RBPJ: variants seen among roughly 807,000 people sequenced by gnomAD.
The protein encoded by RBPJ is recombining binding protein suppressor of hairless.
A neutral mutation model predicts 67.8 loss-of-function variants in RBPJ; 9 were observed. That is an observed-to-expected ratio of 0.13 (90% CI 0.08 to 0.23). The LOEUF is 0.23. RBPJ is among the 10% of genes least tolerant of loss of function. The probability of loss-of-function intolerance (pLI) is 1.00; values close to 1 mark genes in which losing one functional copy is unlikely to be tolerated. For missense variants in RBPJ, 305 were observed against 595.6 expected, an observed-to-expected ratio of 0.51 and a Z score of 5.08; for synonymous variants, 198 against 203.3, an observed-to-expected ratio of 0.97 and a Z score of 0.22.
chr4:26,119,046 A>G, the RBPJ span, among the ~76,000 whole-genome samples: 1 of 152,206 alleles, frequency 6.6e-6, no homozygotes, highest in Non-Finnish European at 1.5e-5. Flanking sequence ...TTAACAGGGT[A>G]TTGCATTGAT....
At chr4:26,371,555 A>G (rs1729164011) in intron 1 of RBPJ, among the ~76,000 whole-genome samples, 1 of 152,092 alleles carries the variant, frequency 6.6e-6, no homozygotes, top group South Asian at 2.1e-4. Context: ...GCACAAATAC[A>G]GTGGTATGAC....
chr4:26,128,732 A>T, the RBPJ span, among the ~76,000 whole-genome samples: 2 of 152,160 alleles, frequency 1.3e-5, no homozygotes, highest in Non-Finnish European at 2.9e-5. Flanking sequence ...CTCATCTTGA[A>T]TTGTAGCTCC....
intron 1 of RBPJ, among the ~76,000 whole-genome samples, chr4:26,259,038 G>A (rs180764248): frequency 1.3e-3 from 194 of 152,036 alleles, no homozygotes; most frequent in African/African-American, 4.3e-3. Flanking sequence ...TCCTGACCTC[G>A]TGATCCACCC....
chr4:26,343,591 A>T (rs994645449), intron 1 of RBPJ, among the ~76,000 whole-genome samples: 2 of 151,572 alleles, frequency 1.3e-5, no homozygotes, highest in African/African-American at 4.8e-5. Context: ...GCTGTTGCCT[A>T]GGCTGGAGTG....
At chr4:26,316,522 T>TATATATTC (rs1722633173), upstream of RBPJ, among the ~76,000 whole-genome samples, 1 of 114,824 alleles carries the variant, frequency 8.7e-6, no homozygotes, top group Non-Finnish European at 1.8e-5. Context: ...TATATATTCA[T>TATATATTC]ATATATATTC....
chr4:26,169,885 G>A (rs28802419), intron 1 of RBPJ, among the ~76,000 whole-genome samples: 32,340 of 152,146 alleles, frequency 0.21, 4,483 homozygotes, highest in African/African-American at 0.39. Context: ...AGCCATGTGC[G>A]GGATATAATC....
At chr4:26,283,556 A>T (rs1721353140) in intron 1 of RBPJ, among the ~76,000 whole-genome samples, 1 of 152,108 alleles carries the variant, frequency 6.6e-6, no homozygotes, top group Non-Finnish European at 1.5e-5. Context: ...AAAAAATAAA[A>T]TAAAATAAAA....
At chr4:26,133,537 C>T in the RBPJ span, among the ~76,000 whole-genome samples, 6 of 152,210 alleles carry the variant, frequency 3.9e-5, no homozygotes, top group Non-Finnish European at 8.8e-5. Flanking sequence ...GAAACCAGGC[C>T]ACACAGCGGG....
chr4:26,328,891 C>T (rs1179467276), intron 1 of RBPJ, among the ~76,000 whole-genome samples: 1 of 152,204 alleles, frequency 6.6e-6, no homozygotes, highest in Non-Finnish European at 1.5e-5. Flanking sequence ...CTCAAGTGAT[C>T]CTTCTGCCTT....
intron 7 of RBPJ, among the ~76,000 whole-genome samples, chr4:26,425,557 G>A (rs575700010): frequency 7.4e-4 from 112 of 152,120 alleles, no homozygotes; most frequent in Admixed American, 1.4e-3. Context: ...TGCAATGAGC[G>A]GTGATCGTAC....
At chr4:26,338,313 G>A (rs1454862444) in intron 1 of RBPJ, among the ~76,000 whole-genome samples, 1 of 151,492 alleles carries the variant, frequency 6.6e-6, no homozygotes, top group Non-Finnish European at 1.5e-5. Flanking sequence ...GCGCCACCAT[G>A]CCCAGCTAAT....
rs1441460826 is a variant in RBPJ at position 26,430,632 on chromosome 4, A to AT, written c.1149-55dup. 1 of 1,575,934 alleles carries AT rather than the reference A, an allele frequency of 6.3e-7. No homozygotes were observed. Among genetic ancestry groups the AT allele is most frequent in the East Asian group, 2.2e-5 (1 of 44,614 alleles). ...ATTAAACAACCTTGTGTTAAGTCTC[A>AT]TTTTTAACATGTACTTTGCTTTTTA... On this transcript the variant is annotated intron_variant, in intron 10 of 10. Coordinates refer to ENST00000355476, the MANE Select transcript of RBPJ (RefSeq NM_015874.6). The surrounding 1 kb of genome is among the most constrained non-coding windows in gnomAD (Gnocchi z 4.1).
intron 1 of RBPJ, among the ~76,000 whole-genome samples, chr4:26,305,816 G>C (rs1311134700): frequency 1.0e-5 from 1 of 96,698 alleles, no homozygotes; most frequent in East Asian, 3.7e-4. Flanking sequence ...TTTCACTCTT[G>C]TCACCCAGGC....
At position 26,255,128 on chromosome 4, in the gene RBPJ, GGC is replaced by G. The variant is rs1288913172; in HGVS notation, c.-167+91516_-167+91517del. The stretch of plus-strand genomic sequence containing the variant: ...GCCCTAGAATGTAACATCTAGGCCG[GGC>G]GTGGTGGCTCACGCCTGTAATCCCA... On this transcript the variant is annotated intron_variant, in intron 1 of 4. Coordinates refer to the RBPJ transcript ENST00000512351. Among the ~76,000 whole-genome samples, 399 of 148,030 alleles carry G rather than the reference GGC, an allele frequency of 2.7e-3. 3 individuals are homozygous for G. Among genetic ancestry groups the G allele is most frequent in the Middle Eastern group, 0.024 (7 of 286 alleles).
chr4:26,321,616 C>G (rs1488826475), intron 1 of RBPJ: 2 of 153,714 alleles, frequency 1.3e-5, no homozygotes, highest in African/African-American at 2.4e-5. Flanking sequence ...CAGTGACCTG[C>G]CACAGCCCGG....
upstream of RBPJ, among the ~76,000 whole-genome samples, chr4:26,161,638 A>G (rs556014329): frequency 1.8e-4 from 27 of 152,326 alleles, 2 homozygotes; most frequent in South Asian, 5.6e-3. Flanking sequence ...TATAGCCAGA[A>G]GTAGGTCACA....
At chr4:26,148,405 A>G in the RBPJ span, among the ~76,000 whole-genome samples, 1 of 152,200 alleles carries the variant, frequency 6.6e-6, no homozygotes, top group African/African-American at 2.4e-5. Context: ...AGGTACTTCA[A>G]ACAAAGGACT....
At chr4:26,331,420 A>C (rs1274588995) in intron 1 of RBPJ, among the ~76,000 whole-genome samples, 2 of 150,418 alleles carry the variant, frequency 1.3e-5, no homozygotes, top group East Asian at 3.9e-4. Context: ...CTTTCTATTT[A>C]TCTCACTCAG....
the RBPJ span, among the ~76,000 whole-genome samples, chr4:26,144,430 C>T: frequency 1.1e-4 from 17 of 152,020 alleles, no homozygotes; most frequent in African/African-American, 3.6e-4. Context: ...CCACCATGCC[C>T]AGCTAATTTT....
Sources: gnomAD v4.1 joint callset for allele counts (sites outside exome capture counted in the v4.1 genomes callset) on GRCh38, gnomAD v4.1.1 for gene constraint, Gnocchi (gnomAD v3.1) non-coding constraint, MANE v1.5 for transcripts, NCBI Gene and HGNC (gene_info 2026-07-23, HGNC 2026-07-21) for gene names.